Variants in HFM1 observed in about 807,000 individuals in gnomAD.
HFM1 encodes the protein probable ATP-dependent DNA helicase HFM1.
Under a neutral mutation model 192.1 loss-of-function variants are expected in HFM1, and 169 were observed. The observed-to-expected ratio is 0.88, with a 90% CI of 0.78 to 1.00. The LOEUF is 1.00. HFM1 is among the 50% of genes least tolerant of loss of function. HFM1 has a pLI of 0.00. For missense variants in HFM1, 1,661 were observed against 1,668.0 expected (o/e 1.00, Z 0.07); for synonymous variants, 525 against 537.8 (o/e 0.98, Z 0.33).
chr1:91,389,595 G>A (rs2102092019), intron 4 of HFM1, among the ~76,000 whole-genome samples: 1 of 152,238 alleles, frequency 6.6e-6, no homozygotes, highest in Admixed American at 6.5e-5. Context: ...TAGGAAGAGG[G>A]TCGTCATCAA....
intron 20 of HFM1, among the ~76,000 whole-genome samples, chr1:91,341,397 G>A (rs938882570): frequency 6.6e-6 from 1 of 152,034 alleles, no homozygotes; most frequent in Admixed American, 6.6e-5. Flanking sequence ...GAAAACAAAG[G>A]CAGAACATAG....
At chr1:91,289,003 G>C (rs1489402598) in intron 30 of HFM1, among the ~76,000 whole-genome samples, 2 of 149,982 alleles carry the variant, frequency 1.3e-5, no homozygotes, top group Non-Finnish European at 3.0e-5. Flanking sequence ...TCAGGTGGGG[G>C]CTACCCCCCA....
At chr1:91,266,599 T>G (rs934789914) in intron 35 of HFM1, among the ~76,000 whole-genome samples, 1 of 152,208 alleles carries the variant, frequency 6.6e-6, no homozygotes, top group Non-Finnish European at 1.5e-5. Flanking sequence ...CAAGTTGAAG[T>G]TCACTCAATA....
upstream of HFM1, among the ~76,000 whole-genome samples, chr1:91,405,257 T>G (rs1322470109): frequency 6.6e-6 from 1 of 152,176 alleles, no homozygotes; most frequent in East Asian, 1.9e-4. Context: ...AAAGTTAAAT[T>G]TCAGAAATAA....
Position 91,401,020 on chromosome 1 carries a change from T to C in HFM1, c.63A>G (p.Glu21=), listed in dbSNP as rs769090941. 9.2e-6 allele frequency: 14 copies of C among 1,513,746 alleles called. No homozygotes were observed. In the Admixed American group the frequency reaches 2.9e-4, roughly 32 times the overall value. The allele number at this position is 1,513,746 out of a possible 1,614,324, so 93.8% of individuals were successfully genotyped here. The part of the protein sequence containing the change: ...LENLFFEKPD[E]VENHPDNEKS... ...CTTTAAGGGAGACTTACTTTTCAAC[T>C]TCATCTGGTTTTTCAAAAAACAAAT... is the stretch of plus-strand genomic sequence containing the variant. Residue 21 remains glutamate (E), a synonymous_variant, in exon 2 of 39, where the codon GAA becomes GAG. Transcript: ENST00000370425.
intron 13 of HFM1, among the ~76,000 whole-genome samples, chr1:91,368,642 A>T (rs1489103520): frequency 6.6e-6 from 1 of 152,210 alleles, no homozygotes; most frequent in Non-Finnish European, 1.5e-5. Flanking sequence ...CACTGCAAAA[A>T]CATGCCAAAT....
chr1:91,316,158 T>C lies in HFM1; in HGVS notation c.2925A>G (p.Gly975=). Residue 975 remains glycine, a synonymous_variant, in exon 27 of 39, where the codon GGA becomes GGG. Coordinates refer to ENST00000370425, the MANE Select transcript of HFM1 (RefSeq NM_001017975.6). ...ACATCACAGTTTCTTTTATCTGGGT[T>C]CCAAAGGGGGGATGTCTGTTTAAAA... ...ELILNRHPPF[G]TQIKETVMYL... 1 of 1,590,360 alleles carries C rather than the reference T, an allele frequency of 6.3e-7. No individual in the cohort carries two copies.
At chr1:91,325,319 G>C (rs281969) in intron 20 of HFM1, among the ~76,000 whole-genome samples, 152,097 of 152,280 alleles carry the variant, frequency 1, 75,957 homozygotes, top group Non-Finnish European at 1. Context: ...CCCAGGACCT[G>C]GGGGAACTCA....
intron 2 of HFM1, among the ~76,000 whole-genome samples, chr1:91,399,516 A>G (rs1426977719): frequency 6.6e-6 from 1 of 152,228 alleles, no homozygotes; most frequent in South Asian, 2.1e-4. Context: ...TTCAACGCAC[A>G]TCACCATCTA....
chr1:91,297,454 A>G (rs1003161276), intron 30 of HFM1, among the ~76,000 whole-genome samples: 23 of 152,212 alleles, frequency 1.5e-4, no homozygotes, highest in African/African-American at 5.3e-4. Context: ...TGGTTCTCCC[A>G]GCATGCAGCT....
chr1:91,277,083 C>T (rs1319005974), intron 30 of HFM1, 21 bp from the exon 31 acceptor site: 1 of 1,364,608 alleles, frequency 7.3e-7, no homozygotes, highest in Non-Finnish European at 1.0e-6. Flanking sequence ...ATAAGAAAAA[C>T]AAATCCATTT....
chr1:91,390,869 C>G (rs1662896281), intron 4 of HFM1, among the ~76,000 whole-genome samples: 1 of 152,120 alleles, frequency 6.6e-6, no homozygotes, highest in East Asian at 1.9e-4. Context: ...TTGTCCCAGC[C>G]CAAAATCTCC....
chr1:91,348,930 G>C (rs561763346), intron 18 of HFM1, among the ~76,000 whole-genome samples: 1 of 151,830 alleles, frequency 6.6e-6, no homozygotes, highest in East Asian at 2.0e-4. Context: ...TCTCAAAAAA[G>C]CTTCCAAGAC....
intron 4 of HFM1, among the ~76,000 whole-genome samples, chr1:91,392,053 T>C (rs1663061139): frequency 6.6e-6 from 1 of 152,106 alleles, no homozygotes; most frequent in Non-Finnish European, 1.5e-5. Context: ...TGAGATACCA[T>C]CTCACACCAG....
In HFM1 at chr1:91,385,309, A is replaced by G. The variant is rs548403021; in HGVS notation, c.755-75T>C. 5.4e-6 allele frequency: 5 copies of G among 928,510 alleles called. No individual in the cohort carries two copies. The African/African-American group carries it at 6.8e-5, about 13-fold the overall frequency. The allele number at this position is 928,510 out of a possible 1,614,324, so 57.5% of individuals were successfully genotyped here. ...GGTCAGAAGCTAGGACCTGAAATGA[A>G]TATTTTTAACCTTTCCATAAAAACT... On this transcript the variant is annotated intron_variant, in intron 5 of 38. Coordinates refer to ENST00000370425, the MANE Select transcript of HFM1 (RefSeq NM_001017975.6).
At chr1:91,283,245 C>T (rs1667625862) in intron 30 of HFM1, among the ~76,000 whole-genome samples, 1 of 152,072 alleles carries the variant, frequency 6.6e-6, no homozygotes, top group African/African-American at 2.4e-5. Context: ...AAAAAATAAT[C>T]TAAGCTGTAC....
At chr1:91,364,358 C>G (rs1658935961) in intron 13 of HFM1, among the ~76,000 whole-genome samples, 1 of 151,660 alleles carries the variant, frequency 6.6e-6, no homozygotes, top group Admixed American at 6.6e-5. Context: ...CAGATTGGTA[C>G]AGCCATTATG....
At chr1:91,321,553 T>G (rs550026339) in intron 23 of HFM1, among the ~76,000 whole-genome samples, 2 of 152,108 alleles carry the variant, frequency 1.3e-5, no homozygotes, top group African/African-American at 4.8e-5. Flanking sequence ...AAGAACAGAT[T>G]TGAAGTTCAG....
At chr1:91,311,665 T>C (rs190297765) in intron 30 of HFM1, among the ~76,000 whole-genome samples, 168 of 151,232 alleles carry the variant, frequency 1.1e-3, no homozygotes, top group African/African-American at 4.0e-3. Flanking sequence ...AGCCTGACTA[T>C]GCAATAGAAA....
Sources: allele counts gnomAD v4.1 joint callset (sites outside exome capture counted in the v4.1 genomes callset), GRCh38; gene constraint gnomAD v4.1.1; transcripts MANE v1.5; gene names NCBI Gene and HGNC (gene_info 2026-07-23, HGNC 2026-07-21).